Variants in HCN1 observed in about 807,000 individuals in gnomAD.
HCN1 encodes potassium/sodium hyperpolarization-activated cyclic nucleotide-gated channel 1.
HCN1 carries 13 observed loss-of-function variants against 78.9 expected under a neutral mutation model. The observed-to-expected ratio is 0.16, with a 90% confidence interval of 0.11 to 0.26. HCN1 has a LOEUF of 0.26. HCN1 is among the 10% of genes least tolerant of loss of function. HCN1 has a pLI of 1.00. For missense variants in HCN1, 810 were observed against 1,154.3 expected, an observed-to-expected ratio of 0.70 and a Z score of 4.32; for synonymous variants, 552 against 455.5, an observed-to-expected ratio of 1.21 and a Z score of -2.70.
At chr5:45,392,344 A>G (rs1313822676) in intron 4 of HCN1, among the ~76,000 whole-genome samples, 1 of 152,168 alleles carries the variant, frequency 6.6e-6, no homozygotes, top group Non-Finnish European at 1.5e-5. Context: ...ACAAGGATCT[A>G]TGGATCATTA....
intron 5 of HCN1, among the ~76,000 whole-genome samples, chr5:45,332,301 C>T (rs1746360853): frequency 1.3e-5 from 2 of 151,564 alleles, no homozygotes; most frequent in Middle Eastern, 3.4e-3. Flanking sequence ...AGTTGGGTAT[C>T]CATCCTCAAG....
In HCN1 at chr5:45,353,574, T is replaced by A. The variant is rs184804891; in HGVS notation, c.1231-328A>T. ...AAAACAAAATGTTATGCTATTTTTT[T>A]AAATTGAGTTCTAAAAGAAGTATGA... On this transcript the variant is annotated intron_variant, in intron 4 of 7. Coordinates refer to ENST00000303230, the MANE Select transcript of HCN1 (RefSeq NM_021072.4). 6.4e-4 allele frequency among the ~76,000 whole-genome samples: 98 copies of A among 152,162 alleles called. 1 individual carries two copies. In the East Asian group the frequency reaches 0.011, roughly 17 times the overall value.
chr5:45,441,298 A>C (rs1269657915), intron 3 of HCN1, among the ~76,000 whole-genome samples: 1 of 152,054 alleles, frequency 6.6e-6, no homozygotes, highest in Non-Finnish European at 1.5e-5. Flanking sequence ...ATTTGCCATT[A>C]GATCAAAGCA....
At chr5:45,504,311 T>G (rs1189187380) in intron 2 of HCN1, among the ~76,000 whole-genome samples, 2 of 152,158 alleles carry the variant, frequency 1.3e-5, no homozygotes, top group African/African-American at 2.4e-5. Context: ...CCAAGTGTTC[T>G]CATTGTTCAA....
intron 1 of HCN1, among the ~76,000 whole-genome samples, chr5:45,680,041 G>C (rs1371739280): frequency 6.6e-6 from 1 of 152,098 alleles, no homozygotes; most frequent in East Asian, 1.9e-4. Flanking sequence ...TTGAAAATAG[G>C]AAAGTAGGTT....
intron 3 of HCN1, among the ~76,000 whole-genome samples, chr5:45,420,745 C>T (rs764456366): frequency 1.3e-5 from 2 of 152,058 alleles, no homozygotes; most frequent in African/African-American, 2.4e-5. Context: ...ATTTACTCCT[C>T]GAAACACTCA....
At chr5:45,386,019 G>T (rs1747900287) in intron 4 of HCN1, among the ~76,000 whole-genome samples, 1 of 152,120 alleles carries the variant, frequency 6.6e-6, no homozygotes, top group Non-Finnish European at 1.5e-5. Context: ...AGTGGAGCTG[G>T]ACAGGAGTCC....
At chr5:45,349,821 C>T (rs1048881698) in intron 5 of HCN1, among the ~76,000 whole-genome samples, 2 of 151,928 alleles carry the variant, frequency 1.3e-5, no homozygotes, top group Non-Finnish European at 2.9e-5. Flanking sequence ...AAGACTAAAC[C>T]AGGAAGAAGT....
intron 1 of HCN1, among the ~76,000 whole-genome samples, chr5:45,690,019 G>A (rs980204458): frequency 6.6e-6 from 1 of 152,038 alleles, no homozygotes; most frequent in African/African-American, 2.4e-5. Context: ...ATGTTCATAG[G>A]CAGTCATTCC....
chr5:45,288,728 G>A (rs148845123), intron 6 of HCN1, among the ~76,000 whole-genome samples: 4 of 152,176 alleles, frequency 2.6e-5, no homozygotes, highest in Non-Finnish European at 5.9e-5. Context: ...TAACTTGTAA[G>A]TTGCATGTGG....
chr5:45,355,528 T>C (rs1250441174), intron 4 of HCN1, among the ~76,000 whole-genome samples: 1 of 151,994 alleles, frequency 6.6e-6, no homozygotes, highest in Non-Finnish European at 1.5e-5. Context: ...TAAGGAAGCA[T>C]GCTTGAGTGA....
chr5:45,346,248 T>G (rs1746704921), intron 5 of HCN1, among the ~76,000 whole-genome samples: 1 of 152,152 alleles, frequency 6.6e-6, no homozygotes, highest in Non-Finnish European at 1.5e-5. Flanking sequence ...ATTGACAACT[T>G]TCAAATGAAA....
intron 4 of HCN1, among the ~76,000 whole-genome samples, chr5:45,389,443 T>C (rs898192478): frequency 2.6e-5 from 4 of 152,156 alleles, no homozygotes; most frequent in African/African-American, 7.2e-5. Context: ...AATAATGTAG[T>C]GCTTTCTATG....
At chr5:45,307,881 G>A (rs574708931) in intron 5 of HCN1, among the ~76,000 whole-genome samples, 5 of 152,154 alleles carry the variant, frequency 3.3e-5, no homozygotes, top group African/African-American at 1.2e-4. Context: ...ATTAAAAACG[G>A]GGGAAATTGG....
At chr5:45,402,277 G>A (rs113226048) in intron 3 of HCN1, among the ~76,000 whole-genome samples, 374 of 152,262 alleles carry the variant, frequency 2.5e-3, no homozygotes, top group Non-Finnish European at 4.5e-3. Flanking sequence ...GATCTAAACC[G>A]TATTTTAGGA....
intron 4 of HCN1, among the ~76,000 whole-genome samples, chr5:45,386,710 C>T (rs968672714): frequency 2.0e-5 from 3 of 152,064 alleles, no homozygotes; most frequent in East Asian, 1.9e-4. Flanking sequence ...AATCTTCTCA[C>T]GTTAAAATAA....
intron 2 of HCN1, chr5:45,576,523 T>A (rs1743951734): frequency 6.6e-6 from 1 of 151,984 alleles, no homozygotes; most frequent in Non-Finnish European, 1.5e-5. Flanking sequence ...CACCCCAACT[T>A]ACAGCAACCA....
At chr5:45,540,347 A>T (rs2111825484) in intron 2 of HCN1, among the ~76,000 whole-genome samples, 1 of 149,404 alleles carries the variant, frequency 6.7e-6, no homozygotes. Context: ...TTTTTGAGAG[A>T]GAGAGAGTCT....
intron 5 of HCN1, among the ~76,000 whole-genome samples, chr5:45,348,062 G>A (rs544324233): frequency 6.6e-6 from 1 of 152,096 alleles, no homozygotes; most frequent in Non-Finnish European, 1.5e-5. Context: ...ACACATAATT[G>A]TCAGATTCAC....
Sources: gnomAD v4.1 joint callset for allele counts (sites outside exome capture counted in the v4.1 genomes callset) on GRCh38, gnomAD v4.1.1 for gene constraint, MANE v1.5 for transcripts, NCBI Gene and HGNC (gene_info 2026-07-23, HGNC 2026-07-21) for gene names.